The following LRRC7 variants were observed in gnomAD, a reference collection of about 807,000 sequenced individuals.
The protein encoded by LRRC7 is leucine rich repeat containing 7.
LRRC7 carries 23 observed loss-of-function variants against 175.7 expected under a neutral mutation model. The observed-to-expected ratio is 0.13, with a 90% confidence interval of 0.09 to 0.19. LRRC7 has a LOEUF of 0.19. Among genes scored for constraint, LRRC7 ranks in the 10% least tolerant of loss-of-function variants. The pLI is 1.00. For synonymous variants in LRRC7, 685 were observed against 680.9 expected, an observed-to-expected ratio of 1.01 and a Z score of -0.09; for missense variants, 1,354 against 1,904.7, an observed-to-expected ratio of 0.71 and a Z score of 5.38.
chr1:70,097,944 C>A (rs1095580), intron 25 of LRRC7, among the ~76,000 whole-genome samples: 86,337 of 147,656 alleles, frequency 0.58, 25,870 homozygotes, highest in Middle Eastern at 0.67. Context: ...GTCTTTATAG[C>A]AGCATGATTT....
At chr1:69,599,565 G>A (rs947226934) in intron 1 of LRRC7, among the ~76,000 whole-genome samples, 4 of 152,094 alleles carry the variant, frequency 2.6e-5, no homozygotes, top group Non-Finnish European at 5.9e-5. Context: ...ATTCATCAGG[G>A]AGTCACATGT....
chr1:69,822,549 C>T (rs150365239), intron 4 of LRRC7, among the ~76,000 whole-genome samples: 186 of 152,300 alleles, frequency 1.2e-3, no homozygotes, highest in African/African-American at 4.4e-3. Flanking sequence ...TTCCCAGCCA[C>T]TCAGCCTTGT....
chr1:70,103,065 C>T (rs1302418366), intron 25 of LRRC7, among the ~76,000 whole-genome samples: 1 of 151,876 alleles, frequency 6.6e-6, no homozygotes, highest in African/African-American at 2.4e-5. Context: ...CCTGTCTCTA[C>T]TAAAAATATA....
intron 11 of LRRC7, among the ~76,000 whole-genome samples, chr1:70,010,245 G>C (rs1214038688): frequency 6.6e-6 from 1 of 152,140 alleles, no homozygotes. Flanking sequence ...GAAGCAAATT[G>C]CATTCAAGCT....
Position 70,138,700 on chromosome 1 carries a change from A to G in LRRC7, c.*16813A>G, listed in dbSNP as rs138166985. The G allele has an allele frequency of 2.6e-5, 4 of 152,362 alleles. No individual in the cohort carries two copies. In the East Asian group the frequency reaches 7.7e-4, roughly 29 times the overall value. 9.4% of individuals were successfully genotyped at this position (152,362 alleles called of 1,614,324 possible). A position where few individuals can be genotyped will look rare whatever the true frequency, so the allele number is the denominator to read the frequency against. On this transcript the variant is annotated 3_prime_UTR_variant, in exon 27 of 27. Transcript: ENST00000651989. ...TTTTAGATTCTTACCAGAAGAATGC[A>G]TAGATGTAGTAAAACCATTAAATAC...
chr1:69,594,723 C>T (rs1341782), intron 1 of LRRC7, among the ~76,000 whole-genome samples: 1 of 152,166 alleles, frequency 6.6e-6, no homozygotes, highest in Admixed American at 6.5e-5. Context: ...TGCATCTTAA[C>T]TGATCTCTCT....
Position 69,840,687 on chromosome 1 carries a change from A to G in LRRC7, c.647+2404A>G, listed in dbSNP as rs1681622588. Among the ~76,000 whole-genome samples the G allele has an allele frequency of 2.6e-5, 4 of 152,190 alleles. No individual in the cohort carries two copies. In the South Asian group the frequency reaches 8.3e-4, roughly 32 times the overall value. On this transcript the variant is annotated intron_variant, in intron 7 of 26. Transcript: ENST00000651989. ...AAATTAGTATTATAAGTTTCCTTAT[A>G]ATGTTTATGATCATTCCTCTACATA... is the stretch of plus-strand genomic sequence containing the variant.
At chr1:69,844,564 A>G (rs1284934658) in intron 7 of LRRC7, among the ~76,000 whole-genome samples, 5 of 152,038 alleles carry the variant, frequency 3.3e-5, no homozygotes, top group African/African-American at 1.2e-4. Context: ...TACATACCAC[A>G]TTGTCTTTAT....
chr1:69,870,056 T>G (rs1400548217), intron 7 of LRRC7, among the ~76,000 whole-genome samples: 2 of 152,132 alleles, frequency 1.3e-5, no homozygotes, highest in African/African-American at 4.8e-5. Flanking sequence ...AGCTTTCATC[T>G]TACGTTACCA....
chr1:70,013,192 T>C (rs1182521633), intron 13 of LRRC7, 103 bp downstream of exon 13: 3 of 575,048 alleles, frequency 5.2e-6, no homozygotes, highest in South Asian at 3.0e-5. Flanking sequence ...TTTCGACATA[T>C]ACGGAATGCA....
chr1:69,800,935 T>C lies in LRRC7; in HGVS notation c.421+8775T>C, dbSNP rs560263436. Among the ~76,000 whole-genome samples the C allele has an allele frequency of 2.0e-5, 3 of 152,008 alleles. No individual in the cohort carries two copies. The East Asian group carries it at 5.8e-4, about 29-fold the overall frequency. On this transcript the variant is annotated intron_variant, in intron 4 of 26. Transcript: ENST00000651989. Reference sequence around the variant, plus strand: ...CTATGCCTAGTTTGTTGAGGGTTTCTATCATGAAGGGATACTGCATTTTGT... The same window carrying C: ...CTATGCCTAGTTTGTTGAGGGTTTCCATCATGAAGGGATACTGCATTTTGT...
At chr1:69,726,942 T>G (rs1667045699) in intron 2 of LRRC7, among the ~76,000 whole-genome samples, 1 of 152,184 alleles carries the variant, frequency 6.6e-6, no homozygotes, top group South Asian at 2.1e-4. Context: ...GTCAGATTCC[T>G]TGGAAACAGA....
chr1:69,802,274 T>C (rs1304021323), intron 4 of LRRC7, among the ~76,000 whole-genome samples: 2 of 151,568 alleles, frequency 1.3e-5, no homozygotes, highest in Non-Finnish European at 3.0e-5. Flanking sequence ...TGTTTCTTTG[T>C]TGATTTTCTA....
chr1:69,966,443 G>A (rs1172655370), intron 8 of LRRC7, among the ~76,000 whole-genome samples: 1 of 152,084 alleles, frequency 6.6e-6, no homozygotes, highest in East Asian at 1.9e-4. Flanking sequence ...TTTTTCATTA[G>A]TAACATTTCT....
At chr1:69,718,177 A>AAGAAAGAAAGAAAG (rs1366913143) in intron 2 of LRRC7, among the ~76,000 whole-genome samples, 3 of 146,852 alleles carry the variant, frequency 2.0e-5, no homozygotes, top group South Asian at 2.2e-4. Flanking sequence ...AGAAAGAAGA[A>AAGAAAGAAAGAAAG]AAGAAAAGAA....
chr1:69,586,863 T>G (rs540359655), intron 1 of LRRC7, among the ~76,000 whole-genome samples: 4 of 152,186 alleles, frequency 2.6e-5, no homozygotes, highest in African/African-American at 7.2e-5. Flanking sequence ...GAAATTCCAT[T>G]TATTGTTAAA....
intron 5 of LRRC7, among the ~76,000 whole-genome samples, chr1:69,831,044 G>A (rs1680474676): frequency 6.6e-6 from 1 of 151,888 alleles, no homozygotes; most frequent in Admixed American, 6.6e-5. Flanking sequence ...GATCAAAGAA[G>A]TAGTACAATA....
At chr1:69,939,670 G>A (rs551703786) in intron 8 of LRRC7, among the ~76,000 whole-genome samples, 2 of 152,064 alleles carry the variant, frequency 1.3e-5, no homozygotes, top group Admixed American at 6.6e-5. Context: ...GACAAGAGAA[G>A]TGTTGATTTT....
chr1:69,776,349 A>G (rs758976561), intron 3 of LRRC7, among the ~76,000 whole-genome samples: 1 of 152,230 alleles, frequency 6.6e-6, no homozygotes, highest in Non-Finnish European at 1.5e-5. Flanking sequence ...AATACAAAAA[A>G]GCTGGCCTCT....
Sources: gnomAD v4.1 joint callset for allele counts (sites outside exome capture counted in the v4.1 genomes callset) on GRCh38, gnomAD v4.1.1 for gene constraint, MANE v1.5 for transcripts, NCBI Gene and HGNC (gene_info 2026-07-23, HGNC 2026-07-21) for gene names.